The following PRKCQ variants were observed in gnomAD, a reference collection of about 807,000 sequenced individuals.
PRKCQ encodes protein kinase C theta.
In PRKCQ, 41 loss-of-function variants were observed where a neutral mutation model predicts 91.2. The ratio of observed to expected loss-of-function variants is 0.45; its 90% CI spans 0.35 to 0.58. The LOEUF (loss-of-function observed/expected upper bound fraction) is 0.58. PRKCQ is among the 20% of genes least tolerant of loss of function. The pLI is 0.00. For synonymous variants in PRKCQ, 307 were observed against 316.9 expected (o/e 0.97, Z 0.33); for missense variants, 673 against 896.5 (o/e 0.75, Z 3.18).
At chr10:6,533,891 A>G (rs1008931035) in intron 1 of PRKCQ, among the ~76,000 whole-genome samples, 1 of 152,220 alleles carries the variant, frequency 6.6e-6, no homozygotes, top group African/African-American at 2.4e-5. Context: ...CAGAAATAAA[A>G]CTGCTAAACC....
At chr10:6,507,182 T>C (rs1386665936) in intron 4 of PRKCQ, among the ~76,000 whole-genome samples, 1 of 152,136 alleles carries the variant, frequency 6.6e-6, no homozygotes, top group Non-Finnish European at 1.5e-5. Context: ...AAAGACAGAG[T>C]ATAAGAGCTT....
chr10:6,462,866 A>G (rs970324088), intron 13 of PRKCQ, among the ~76,000 whole-genome samples: 4 of 152,106 alleles, frequency 2.6e-5, no homozygotes, highest in African/African-American at 7.2e-5. Context: ...TTAGCAGGGC[A>G]TGGTGTTGGG....
At chr10:6,411,876 AATG>A in the PRKCQ span, among the ~76,000 whole-genome samples, 3 of 152,176 alleles carry the variant, frequency 2.0e-5, no homozygotes, top group Admixed American at 6.5e-5. Context: ...AATGCCATAT[AATG>A]ATGATGATGA....
chr10:6,499,365 C>T (rs918156040), intron 4 of PRKCQ, among the ~76,000 whole-genome samples: 3 of 152,112 alleles, frequency 2.0e-5, no homozygotes, highest in Non-Finnish European at 4.4e-5. Context: ...TGACATCTTT[C>T]CAAAGGGTTG....
In PRKCQ at chr10:6,428,101, G is replaced by T; in HGVS notation, c.*106C>A. The T allele has an allele frequency of 7.0e-7, 1 of 1,423,422 alleles. No homozygotes were observed. The highest frequency in any genetic ancestry group is 1.2e-5 in the South Asian group (1 of 82,356). The allele number at this position is 1,423,422 out of a possible 1,614,324, so 88.2% of individuals were successfully genotyped here. A position where few individuals can be genotyped will look rare whatever the true frequency, so the allele number is the denominator to read the frequency against. Reference sequence around the variant, plus strand: ...CGAACGGGTCTCAGTCTTTATTGTTGAGTGTTTCTTTCTTTTTCCAAGTTG... The same window carrying T: ...CGAACGGGTCTCAGTCTTTATTGTTTAGTGTTTCTTTCTTTTTCCAAGTTG... On this transcript the variant is annotated 3_prime_UTR_variant, in exon 18 of 18. Coordinates refer to ENST00000263125, the MANE Select transcript of PRKCQ (RefSeq NM_006257.5).
At chr10:6,563,206 C>T (rs761827901) in intron 1 of PRKCQ, among the ~76,000 whole-genome samples, 9 of 151,746 alleles carry the variant, frequency 5.9e-5, no homozygotes, top group Non-Finnish European at 4.4e-5. Flanking sequence ...GATTTCAGAG[C>T]GTAAGTCTCA....
chr10:6,501,322 C>T (rs902832843), intron 4 of PRKCQ, among the ~76,000 whole-genome samples: 6 of 151,790 alleles, frequency 4.0e-5, no homozygotes, highest in Non-Finnish European at 7.4e-5. Context: ...GGGGAAGATG[C>T]ATAATGCAGT....
chr10:6,556,347 G>A (rs1840413033), intron 1 of PRKCQ, among the ~76,000 whole-genome samples: 1 of 144,512 alleles, frequency 6.9e-6, no homozygotes, highest in South Asian at 2.4e-4. Flanking sequence ...TGGGAGGAAT[G>A]TTTGAGCCCA....
the PRKCQ span, among the ~76,000 whole-genome samples, chr10:6,397,165 C>G: frequency 6.6e-5 from 10 of 152,144 alleles, no homozygotes; most frequent in African/African-American, 2.2e-4. Context: ...GGCATGATCT[C>G]AGCCCACTGC....
intron 15 of PRKCQ, among the ~76,000 whole-genome samples, chr10:6,444,058 TAC>T (rs1056060319): frequency 4.6e-5 from 7 of 152,112 alleles, no homozygotes; most frequent in Non-Finnish European, 7.4e-5. Flanking sequence ...AACTATACAA[TAC>T]ACTTTATTTT....
rs1458852606 is a variant in PRKCQ at position 6,483,620 on chromosome 10, G to A, written c.1019-20C>T. ...GAGGCTCTGAAAATGCAAGCTGGTG[G>A]TTAAAAATGAACATGGAGTAATGGA... On this transcript the variant is annotated intron_variant, in intron 10 of 17. Transcript: ENST00000263125. The A allele has an allele frequency of 4.3e-6, 7 of 1,612,634 alleles. No homozygotes were observed. In the South Asian group the frequency reaches 4.4e-5, roughly 10 times the overall value.
At chr10:6,484,332 T>G (rs932402601) in intron 10 of PRKCQ, among the ~76,000 whole-genome samples, 15 of 152,206 alleles carry the variant, frequency 9.9e-5, no homozygotes, top group African/African-American at 3.6e-4. Context: ...GAGAATCCCT[T>G]GAACCCACAG....
intron 16 of PRKCQ, among the ~76,000 whole-genome samples, chr10:6,436,871 A>G (rs1449405500): frequency 6.6e-6 from 1 of 152,082 alleles, no homozygotes; most frequent in African/African-American, 2.4e-5. Flanking sequence ...CTCTCCACGG[A>G]ATTACTTCTG....
intron 12 of PRKCQ, among the ~76,000 whole-genome samples, chr10:6,474,022 T>G (rs571706600): frequency 1.6e-4 from 25 of 152,344 alleles, no homozygotes; most frequent in African/African-American, 5.8e-4. Context: ...AAAGAAATGT[T>G]AGGTGACTTG....
intron 1 of PRKCQ, among the ~76,000 whole-genome samples, chr10:6,529,437 T>C (rs115765525): frequency 0.012 from 1,866 of 152,288 alleles, 36 homozygotes; most frequent in African/African-American, 0.043. Context: ...CTTCCTGTCA[T>C]GTAGGTGCTC....
intron 14 of PRKCQ, among the ~76,000 whole-genome samples, chr10:6,459,856 T>C (rs1416432558): frequency 2.0e-5 from 3 of 152,258 alleles, no homozygotes; most frequent in Non-Finnish European, 4.4e-5. Flanking sequence ...TAATTTCTTA[T>C]GGCAGCCCTT....
intron 14 of PRKCQ, among the ~76,000 whole-genome samples, chr10:6,459,364 TG>T (rs36117062): frequency 0.07 from 10,709 of 152,216 alleles, 896 homozygotes; most frequent in African/African-American, 0.2. Context: ...ATCAGGTTTC[TG>T]GGGGTTGGGA....
rs540087151 is a variant in PRKCQ, at chr10:6,545,238, G to A, written c.-9-30094C>T. ...ATCATTTAGAAAGGGAAGAGAAGGA[G>A]GCTAAATTAATTTTTATCATGGCTC... is the stretch of plus-strand genomic sequence containing the variant. On this transcript the variant is annotated intron_variant, in intron 1 of 17. Transcript: ENST00000263125. 1.1e-4 allele frequency among the ~76,000 whole-genome samples: 16 copies of A among 152,336 alleles called. No individual in the cohort carries two copies. The South Asian group carries it at 2.3e-3, about 22-fold the overall frequency.
chr10:6,396,604 G>A, the PRKCQ span, among the ~76,000 whole-genome samples: 2 of 152,222 alleles, frequency 1.3e-5, no homozygotes, highest in African/African-American at 4.8e-5. Context: ...ATTATACCAT[G>A]TAAGAGCACC....
Sources: gnomAD v4.1 joint callset for allele counts (sites outside exome capture counted in the v4.1 genomes callset) on GRCh38, gnomAD v4.1.1 for gene constraint, MANE v1.5 for transcripts, NCBI Gene and HGNC (gene_info 2026-07-23, HGNC 2026-07-21) for gene names.